The following ADAMTS2 variants were observed in gnomAD, a reference collection of about 807,000 sequenced individuals.
ADAMTS2 encodes the protein ADAM metallopeptidase with thrombospondin type 1 motif 2.
In ADAMTS2, 50 loss-of-function variants were observed where a neutral mutation model predicts 123.0. That is an observed-to-expected ratio of 0.41 (90% CI 0.32 to 0.51). The LOEUF (loss-of-function observed/expected upper bound fraction) is 0.51. Ranked by LOEUF, ADAMTS2 falls within the 20% of genes least tolerant of loss-of-function variation. The probability of loss-of-function intolerance (pLI) is 0.35; values close to 1 mark genes in which losing one functional copy is unlikely to be tolerated. For synonymous variants in ADAMTS2, 678 were observed against 695.4 expected (o/e 0.98, Z 0.39); for missense variants, 1,494 against 1,705.2 (o/e 0.88, Z 2.18).
At chr5:179,259,327 G>C (rs1766151836) in intron 3 of ADAMTS2, among the ~76,000 whole-genome samples, 1 of 152,214 alleles carries the variant, frequency 6.6e-6, no homozygotes, top group Admixed American at 6.5e-5. Context: ...CTTTCATTGT[G>C]CAGGTATTTG....
chr5:179,224,217 G>A (rs1034937367), intron 3 of ADAMTS2, among the ~76,000 whole-genome samples: 14 of 152,232 alleles, frequency 9.2e-5, no homozygotes, highest in South Asian at 4.2e-4. Context: ...GCAGCCATGC[G>A]GTGGGTGCAC....
intron 4 of ADAMTS2, among the ~76,000 whole-genome samples, chr5:179,206,965 C>T (rs457957): frequency 0.18 from 28,064 of 152,062 alleles, 2,837 homozygotes; most frequent in Middle Eastern, 0.28. Context: ...CCTCCCACTG[C>T]GAGCTTTAAG....
rs547834835 is a variant in ADAMTS2 at position 179,242,281 on chromosome 5, C to T, written c.688+30630G>A. ...CCAGCGGTGCCTGCTGTCTTGCTCG[C>T]GTGTGCCAGCAAATCTCCTTTTCTT... On this transcript the variant is annotated intron_variant, in intron 3 of 21. Coordinates refer to ENST00000251582, the MANE Select transcript of ADAMTS2 (RefSeq NM_014244.5). The surrounding 1 kb of genome is among the most constrained non-coding windows in gnomAD (Gnocchi z 4.2). 6.6e-6 allele frequency among the ~76,000 whole-genome samples: 1 copy of T among 152,148 alleles called. No homozygotes were observed. The highest frequency in any genetic ancestry group is 1.5e-5 in the Non-Finnish European group (1 of 68,026).
At chr5:179,178,754 T>G (rs1763984099) in intron 5 of ADAMTS2, among the ~76,000 whole-genome samples, 2 of 152,222 alleles carry the variant, frequency 1.3e-5, no homozygotes, top group Admixed American at 1.3e-4. Context: ...TTTCCTTAAG[T>G]TTTTGGTTTT....
At chr5:179,236,538 C>A (rs1219044297) in intron 3 of ADAMTS2, among the ~76,000 whole-genome samples, 2 of 152,158 alleles carry the variant, frequency 1.3e-5, no homozygotes, top group Admixed American at 1.3e-4. Flanking sequence ...TGCCTGTAAT[C>A]CCAGCCCTTT....
intron 5 of ADAMTS2, among the ~76,000 whole-genome samples, chr5:179,169,346 CAGTG>C (rs1763771250): frequency 6.6e-6 from 1 of 152,250 alleles, no homozygotes; most frequent in Admixed American, 6.5e-5. Context: ...GCCCCCAGAA[CAGTG>C]AGTAACACAA....
intron 17 of ADAMTS2, 25 bp downstream of exon 17, chr5:179,127,934 G>T: frequency 6.2e-7 from 1 of 1,612,672 alleles, no homozygotes; most frequent in Non-Finnish European, 8.5e-7. Flanking sequence ...TGTCACCCAG[G>T]TCCCCAGCTT....
Position 179,132,277 on chromosome 5 carries a change from G to A in ADAMTS2, c.2243C>T (p.Ala748Val), listed in dbSNP as rs780473688. 26 of 1,614,088 alleles carry A rather than the reference G, an allele frequency of 1.6e-5. No individual in the cohort carries two copies. The highest frequency in any genetic ancestry group is 2.2e-5 in the Non-Finnish European group (26 of 1,180,042). Residue 748 changes from alanine (A) to valine (V), a missense_variant, in exon 15 of 22, where the codon GCC (alanine) becomes GTC (valine). Physicochemically the swap from Ala to Val is moderately conservative, Grantham distance 64. This residue lies in a region of ADAMTS2 where 953 missense variants were observed against 1,124.7 expected (regional missense o/e 0.85). Transcript: ENST00000251582. The surrounding 1 kb of genome is among the most constrained non-coding windows in gnomAD (Gnocchi z 6.1). ...YIKMFEIPAG[A>V]RHLLIQEVDA... Reference sequence around the variant, plus strand: ...TACCTCCTGAATGAGCAGGTGTCTGGCTCCTGCAGGGATCTCAAACATCTT... The same window carrying A: ...TACCTCCTGAATGAGCAGGTGTCTGACTCCTGCAGGGATCTCAAACATCTT...
In ADAMTS2 at chr5:179,345,460, G is replaced by C. The variant is rs984461056; in HGVS notation, c.-132C>G. 1.6e-4 allele frequency: 135 copies of C among 859,332 alleles called. No individual in the cohort carries two copies. In the East Asian group the frequency reaches 3.4e-3, roughly 22 times the overall value. The allele number at this position is 859,332 out of a possible 1,614,324, so 53.2% of individuals were successfully genotyped here. On this transcript the variant is annotated 5_prime_UTR_variant, in exon 1 of 22. Coordinates refer to ENST00000251582, the MANE Select transcript of ADAMTS2 (RefSeq NM_014244.5). The surrounding 1 kb of genome is among the most constrained non-coding windows in gnomAD (Gnocchi z 7.5). ...CACCGCAGGGCGCGGGGCGGAGGAG[G>C]CGAGGCGCGGAGGGGCGGGCGGGGG...
At chr5:179,286,308 C>T (rs1756019152) in intron 2 of ADAMTS2, among the ~76,000 whole-genome samples, 1 of 151,710 alleles carries the variant, frequency 6.6e-6, no homozygotes, top group South Asian at 2.1e-4. Flanking sequence ...CACCTTTGCA[C>T]AGCTGTTCCC....
At chr5:179,176,986 T>C (rs1459451973) in intron 5 of ADAMTS2, among the ~76,000 whole-genome samples, 1 of 152,300 alleles carries the variant, frequency 6.6e-6, no homozygotes, top group Non-Finnish European at 1.5e-5. Flanking sequence ...TCCCGTTGCT[T>C]TTCCTGACCT....
At chr5:179,276,015 T>C (rs1019283093) in intron 2 of ADAMTS2, among the ~76,000 whole-genome samples, 7 of 151,862 alleles carry the variant, frequency 4.6e-5, no homozygotes, top group Non-Finnish European at 2.9e-5. Flanking sequence ...AAGACCGAGG[T>C]CGGAGAAGGA....
At chr5:179,246,094 G>A (rs933045237) in intron 3 of ADAMTS2, among the ~76,000 whole-genome samples, 2 of 152,294 alleles carry the variant, frequency 1.3e-5, no homozygotes, top group East Asian at 1.9e-4. Context: ...GGTGACAGTG[G>A]GTTATGGTGT....
At chr5:179,184,757 TG>T (rs1374970106) in intron 4 of ADAMTS2, among the ~76,000 whole-genome samples, 5 of 152,036 alleles carry the variant, frequency 3.3e-5, no homozygotes, top group African/African-American at 1.2e-4. Flanking sequence ...GGGCTGAGGC[TG>T]GCACCCAGCA....
intron 5 of ADAMTS2, among the ~76,000 whole-genome samples, chr5:179,161,773 G>A (rs1264467368): frequency 2.0e-5 from 3 of 152,104 alleles, no homozygotes; most frequent in South Asian, 2.1e-4. Context: ...TTGCATACAC[G>A]TGTCTAAATA....
chr5:179,207,462 C>T (rs747538124), intron 4 of ADAMTS2, 51 bp downstream of exon 4: 3 of 1,564,902 alleles, frequency 1.9e-6, no homozygotes, highest in Non-Finnish European at 2.6e-6. Context: ...CCTGCCCAGC[C>T]CCTGGTTGAC....
intron 3 of ADAMTS2, among the ~76,000 whole-genome samples, chr5:179,249,409 G>T (rs1373055380): frequency 1.3e-5 from 2 of 151,896 alleles, no homozygotes; most frequent in Non-Finnish European, 2.9e-5. Context: ...TTATAGTGAA[G>T]GTAGACAAAA....
chr5:179,158,968 C>T lies in ADAMTS2; in HGVS notation c.976-89G>A. On this transcript the variant is annotated intron_variant, in intron 5 of 21. Transcript: ENST00000251582. The surrounding 1 kb of genome is among the most constrained non-coding windows in gnomAD (Gnocchi z 5.0). ...AGCAGGCTGTAGTGTTGACAGACCC[C>T]ATCCACTGGGAATCTGTTCCAGGTG... The T allele has an allele frequency of 6.6e-7, 1 of 1,505,022 alleles. No individual in the cohort carries two copies. Among genetic ancestry groups the T allele is most frequent in the East Asian group, 2.4e-5 (1 of 41,278 alleles). The allele number at this position is 1,505,022 out of a possible 1,614,324, so 93.2% of individuals were successfully genotyped here. A position where few individuals can be genotyped will look rare whatever the true frequency, so the allele number is the denominator to read the frequency against.
intron 3 of ADAMTS2, among the ~76,000 whole-genome samples, chr5:179,208,492 C>T (rs76810562): frequency 0.036 from 5,440 of 152,282 alleles, 143 homozygotes; most frequent in Non-Finnish European, 0.058. Context: ...GCACTGACCT[C>T]CTGCCCCCAG....
Sources: gnomAD v4.1 joint callset for allele counts (sites outside exome capture counted in the v4.1 genomes callset) on GRCh38, gnomAD v4.1.1 for gene constraint, gnomAD v4.1.1 regional missense constraint, Gnocchi (gnomAD v3.1) non-coding constraint, MANE v1.5 for transcripts, NCBI Gene and HGNC (gene_info 2026-07-23, HGNC 2026-07-21) for gene names.